The following AQP11 variants were observed in gnomAD, a reference collection of about 807,000 sequenced individuals.
AQP11 encodes the protein aquaporin-11.
A neutral mutation model predicts 21.1 loss-of-function variants in AQP11; 20 were observed. That is an observed-to-expected ratio of 0.95 (90% CI 0.67 to 1.38). The LOEUF is 1.38. Among genes scored for constraint, AQP11 ranks in the 40% most tolerant of loss-of-function variants. The pLI is 0.00. For synonymous variants in AQP11, 167 were observed against 150.1 expected, an observed-to-expected ratio of 1.11 and a Z score of -0.82; for missense variants, 339 against 340.4, an observed-to-expected ratio of 1.00 and a Z score of 0.03.
chr11:77,590,706 C>T (rs1486292855), intron 1 of AQP11, 95 bp downstream of exon 1: 9 of 1,511,214 alleles, frequency 6.0e-6, no homozygotes, highest in South Asian at 1.3e-5. Context: ...CCGTCTATCC[C>T]GCTATGATGT....
At chr11:77,591,793 G>C (rs1958749628) in intron 1 of AQP11, among the ~76,000 whole-genome samples, 1 of 152,150 alleles carries the variant, frequency 6.6e-6, no homozygotes, top group African/African-American at 2.4e-5. Context: ...AGAATTGCTG[G>C]AACCCGGGAG....
chr11:77,599,861 C>T (rs1958805253), intron 1 of AQP11, among the ~76,000 whole-genome samples: 2 of 152,154 alleles, frequency 1.3e-5, no homozygotes, highest in Admixed American at 6.6e-5. Context: ...GCTGGGATTA[C>T]AGGAATGAGC....
intron 2 of AQP11, among the ~76,000 whole-genome samples, chr11:77,605,559 C>T (rs1958841206): frequency 6.6e-6 from 1 of 152,100 alleles, no homozygotes; most frequent in Non-Finnish European, 1.5e-5. Context: ...TTACTGTGAA[C>T]TCAGCATGTG....
chr11:77,606,385 G>A (rs1041174154), intron 2 of AQP11, among the ~76,000 whole-genome samples: 9 of 152,174 alleles, frequency 5.9e-5, no homozygotes, highest in African/African-American at 2.2e-4. Context: ...AGAGCAGAAA[G>A]TGTGATAGGT....
At position 77,596,444 on chromosome 11, in the gene AQP11, TAA is replaced by T. The variant is rs66671315; in HGVS notation, c.619+5844_619+5845del. ...CAACAGAGCGAGACTATGTCTCAAT[TAA>T]AAAAAAAAAATATATATATATATGT... On this transcript the variant is annotated intron_variant, in intron 1 of 2. Transcript: ENST00000313578. Among the ~76,000 whole-genome samples, 127 of 119,048 alleles carry T rather than the reference TAA, an allele frequency of 1.1e-3. 2 individuals carry two copies. The highest frequency in any genetic ancestry group is 3.3e-3 in the Admixed American group (37 of 11,296). 78.1% of individuals were successfully genotyped at this position (119,048 alleles called of 152,430 possible).
chr11:77,602,404 A>C (rs776167214), intron 1 of AQP11, among the ~76,000 whole-genome samples: 4 of 152,166 alleles, frequency 2.6e-5, no homozygotes, highest in East Asian at 1.9e-4. Context: ...TGTGTAATCA[A>C]ACTGAAATGA....
At chr11:77,593,912 C>T (rs1217558835) in intron 1 of AQP11, among the ~76,000 whole-genome samples, 1 of 152,154 alleles carries the variant, frequency 6.6e-6, no homozygotes, top group African/African-American at 2.4e-5. Flanking sequence ...TATACTACAA[C>T]ATGAATGAAC....
At chr11:77,604,602 T>C (rs907954465) in intron 2 of AQP11, among the ~76,000 whole-genome samples, 1 of 152,178 alleles carries the variant, frequency 6.6e-6, no homozygotes, top group Admixed American at 6.5e-5. Flanking sequence ...AGTCATTTTC[T>C]TTAAAACACA....
intron 2 of AQP11, among the ~76,000 whole-genome samples, chr11:77,607,033 T>G (rs4944169): frequency 6.6e-6 from 1 of 152,110 alleles, no homozygotes; most frequent in Admixed American, 6.5e-5. Flanking sequence ...GTAGTTTTGG[T>G]TTGAAGAGGC....
In AQP11 at chr11:77,609,544, G is replaced by A. The variant is rs1958865788; in HGVS notation, c.*167G>A. 8.3e-6 allele frequency: 4 copies of A among 480,252 alleles called. No homozygotes were observed. In the Admixed American group the frequency reaches 1.1e-4, roughly 14 times the overall value. The allele number at this position is 480,252 out of a possible 1,614,324, so 29.7% of individuals were successfully genotyped here. A position where few individuals can be genotyped will look rare whatever the true frequency, so the allele number is the denominator to read the frequency against. ...ACTGGGACTTTAAAAAAAAATTACT[G>A]TGAAAATGAGGTATTCTGTACTTCT... On this transcript the variant is annotated 3_prime_UTR_variant, in exon 3 of 3. Coordinates refer to ENST00000313578, the MANE Select transcript of AQP11 (RefSeq NM_173039.3).
rs1958783041 is a variant in AQP11 at position 77,596,537 on chromosome 11, A to AATATATATGTAAATATATATAT, written c.619+5934_619+5935insGTAAATATATATATATATATAT. 4.6e-5 allele frequency among the ~76,000 whole-genome samples: 4 copies of AATATATATGTAAATATATATAT among 86,574 alleles called. No homozygotes were observed. In the East Asian group the frequency reaches 1.1e-3, roughly 25 times the overall value. The allele number at this position is 86,574 out of a possible 152,430, so 56.8% of individuals were successfully genotyped here. On this transcript the variant is annotated intron_variant, in intron 1 of 2. Coordinates refer to ENST00000313578, the MANE Select transcript of AQP11 (RefSeq NM_173039.3). ...AAATATATATGTAAATATATATGTA[A>AATATATATGTAAATATATATAT]ATATATATATATATATATATATATA...
chr11:77,599,272 T>G (rs1213046705), intron 1 of AQP11, among the ~76,000 whole-genome samples: 3 of 152,132 alleles, frequency 2.0e-5, no homozygotes, highest in Non-Finnish European at 4.4e-5. Context: ...TCTTTATTAA[T>G]TATTTTTTTA....
At chr11:77,596,503 T>TATGTGTAA (rs1958781602) in intron 1 of AQP11, among the ~76,000 whole-genome samples, 1 of 140,130 alleles carries the variant, frequency 7.1e-6, no homozygotes. Context: ...TGTGTAAATA[T>TATGTGTAA]ATATGTGTAA....
At chr11:77,593,561 C>T (rs1448223914) in intron 1 of AQP11, among the ~76,000 whole-genome samples, 5 of 151,598 alleles carry the variant, frequency 3.3e-5, no homozygotes, top group Non-Finnish European at 5.9e-5. Context: ...GGCATGAACC[C>T]GGGAGGCAGA....
At chr11:77,593,418 G>A (rs1478094392) in intron 1 of AQP11, among the ~76,000 whole-genome samples, 1 of 152,138 alleles carries the variant, frequency 6.6e-6, no homozygotes, top group African/African-American at 2.4e-5. Context: ...GGCAGATCAC[G>A]AGGTCAGGTG....
chr11:77,605,976 G>A (rs1022863216), intron 2 of AQP11, among the ~76,000 whole-genome samples: 1 of 150,464 alleles, frequency 6.6e-6, no homozygotes, highest in African/African-American at 2.4e-5. Context: ...TCAGGAGGTG[G>A]AGGTTGCAGT....
chr11:77,596,385 G>A (rs185007503), intron 1 of AQP11, among the ~76,000 whole-genome samples: 4 of 149,730 alleles, frequency 2.7e-5, no homozygotes, highest in Middle Eastern at 3.4e-3. Flanking sequence ...AGGTTGCAGC[G>A]AGCTGATATC....
intron 1 of AQP11, chr11:77,591,104 CATTTCTT>C: frequency 1.0e-6 from 1 of 978,450 alleles, no homozygotes. Context: ...GATTTAAAGT[CATTTCTT>C]ATTTCCTTAA....
chr11:77,608,167 A>G (rs749451401), intron 2 of AQP11, among the ~76,000 whole-genome samples: 9 of 152,250 alleles, frequency 5.9e-5, no homozygotes, highest in Non-Finnish European at 1.2e-4. Flanking sequence ...TCAGTTTAAG[A>G]TGAAAAATTA....
Sources: gnomAD v4.1 joint callset for allele counts (sites outside exome capture counted in the v4.1 genomes callset) on GRCh38, gnomAD v4.1.1 for gene constraint, MANE v1.5 for transcripts, NCBI Gene and HGNC (gene_info 2026-07-23, HGNC 2026-07-21) for gene names.